The following TTC39C variants were observed in gnomAD, a reference collection of about 807,000 sequenced individuals.
The protein encoded by TTC39C is tetratricopeptide repeat protein 39C.
A neutral mutation model predicts 76.3 loss-of-function variants in TTC39C; 33 were observed. The observed-to-expected ratio is 0.43, with a 90% CI of 0.33 to 0.58. The LOEUF (loss-of-function observed/expected upper bound fraction) is 0.58. Among genes scored for constraint, TTC39C ranks in the 20% least tolerant of loss-of-function variants. The pLI is 0.04. For synonymous variants in TTC39C, 254 were observed against 260.6 expected, an observed-to-expected ratio of 0.97 and a Z score of 0.24; for missense variants, 595 against 701.4, an observed-to-expected ratio of 0.85 and a Z score of 1.71.
intron 1 of TTC39C, among the ~76,000 whole-genome samples, chr18:23,995,843 C>A (rs1301329374): frequency 1.3e-5 from 2 of 152,184 alleles, no homozygotes; most frequent in African/African-American, 4.8e-5. Context: ...GCACTCAAGT[C>A]TGGGTGACAG....
chr18:24,019,638 C>T (rs6508096), intron 1 of TTC39C, among the ~76,000 whole-genome samples: 152,277 of 152,386 alleles, frequency 1, 76,084 homozygotes, highest in Non-Finnish European at 1. Flanking sequence ...GCCAGTGTTA[C>T]CATACAGATG....
chr18:23,997,677 A>AGAAAGAAAGAAAGAAG lies in TTC39C; in HGVS notation c.-17+4654_-17+4655insGGAAAGAAAGAAAGAA, dbSNP rs1568398815. Among the ~76,000 whole-genome samples, 33 of 136,296 alleles carry AGAAAGAAAGAAAGAAG rather than the reference A, an allele frequency of 2.4e-4. 1 individual carries two copies. Among genetic ancestry groups the AGAAAGAAAGAAAGAAG allele is most frequent in the African/African-American group, 8.3e-4 (31 of 37,162 alleles). 89.4% of individuals were successfully genotyped at this position (136,296 alleles called of 152,430 possible). A position where few individuals can be genotyped will look rare whatever the true frequency, so the allele number is the denominator to read the frequency against. ...GAGAAAGAAAGAAAGAAAGAAAGAA[A>AGAAAGAAAGAAAGAAG]GAAAGAAAGAAAGAAAGAAAGAAAG... On this transcript the variant is annotated intron_variant, in intron 1 of 13. Coordinates refer to the TTC39C transcript ENST00000304621.
At chr18:24,112,167 C>T (rs1417102947) in intron 6 of TTC39C, among the ~76,000 whole-genome samples, 1 of 152,180 alleles carries the variant, frequency 6.6e-6, no homozygotes, top group Non-Finnish European at 1.5e-5. Flanking sequence ...TGACTTGTGG[C>T]AGCATCACTC....
intron 1 of TTC39C, among the ~76,000 whole-genome samples, chr18:24,051,291 C>A (rs1007162910): frequency 6.6e-6 from 1 of 152,184 alleles, no homozygotes; most frequent in Non-Finnish European, 1.5e-5. Flanking sequence ...CACCAGCCAG[C>A]GTATTACGAA....
intron 6 of TTC39C, among the ~76,000 whole-genome samples, chr18:24,103,403 A>G (rs1224802197): frequency 6.6e-6 from 1 of 152,184 alleles, no homozygotes; most frequent in Non-Finnish European, 1.5e-5. Context: ...TGAAAGGACA[A>G]ATGGAGATGT....
chr18:24,021,539 CTTTTTTTTTTT>C (rs60505555), intron 1 of TTC39C, among the ~76,000 whole-genome samples: 3 of 118,870 alleles, frequency 2.5e-5, no homozygotes, highest in East Asian at 4.7e-4. Context: ...TTCTTTCCTT[CTTTTTTTTTTT>C]TTTTTTTTTT....
intron 1 of TTC39C, among the ~76,000 whole-genome samples, chr18:24,021,602 A>G (rs2083519181): frequency 7.1e-6 from 1 of 141,676 alleles, no homozygotes; most frequent in African/African-American, 2.7e-5. Context: ...CTAGAGTGCA[A>G]TGGCACGATC....
At chr18:24,082,079 G>A (rs530495369) in intron 5 of TTC39C, among the ~76,000 whole-genome samples, 10 of 147,368 alleles carry the variant, frequency 6.8e-5, no homozygotes, top group South Asian at 2.2e-4. Flanking sequence ...GTGCAGTGGC[G>A]CGATCTCGGC....
intron 6 of TTC39C, among the ~76,000 whole-genome samples, chr18:24,097,970 A>G (rs1296065647): frequency 3.3e-5 from 5 of 152,186 alleles, no homozygotes; most frequent in Non-Finnish European, 7.3e-5. Context: ...AAATTCATGC[A>G]TAGTTTTATT....
intron 6 of TTC39C, among the ~76,000 whole-genome samples, chr18:24,103,759 G>A (rs913791509): frequency 2.0e-5 from 3 of 150,062 alleles, no homozygotes; most frequent in Admixed American, 6.6e-5. Context: ...CTCCTGGATG[G>A]TCACATCATC....
chr18:24,007,968 G>A (rs926316071), intron 1 of TTC39C, among the ~76,000 whole-genome samples: 3 of 152,116 alleles, frequency 2.0e-5, no homozygotes, highest in African/African-American at 4.8e-5. Context: ...GCATGTTCAC[G>A]TGCCCACTAT....
chr18:24,059,391 G>C (rs1040813304), intron 1 of TTC39C, among the ~76,000 whole-genome samples: 1 of 151,942 alleles, frequency 6.6e-6, no homozygotes, highest in Non-Finnish European at 1.5e-5. Context: ...GTAGGCCTCC[G>C]TGTCTGTTGT....
intron 6 of TTC39C, among the ~76,000 whole-genome samples, chr18:24,099,005 ATGTGTGTGTG>A (rs71373362): frequency 1.3e-4 from 17 of 130,738 alleles, no homozygotes; most frequent in East Asian, 2.2e-4. Flanking sequence ...AGTTAGAGGA[ATGTGTGTGTG>A]TGTGTGTGTG....
chr18:24,063,194 T>C (rs553426279), intron 1 of TTC39C, among the ~76,000 whole-genome samples: 1 of 152,208 alleles, frequency 6.6e-6, no homozygotes, highest in Non-Finnish European at 1.5e-5. Flanking sequence ...ACATTTATAT[T>C]CTTTTATTCT....
intron 4 of TTC39C, among the ~76,000 whole-genome samples, chr18:24,075,692 A>AC (rs201537278): frequency 0.021 from 3,207 of 151,028 alleles, 129 homozygotes; most frequent in African/African-American, 0.069. Context: ...CTCAAAAAAA[A>AC]AAAAAAAAAA....
At chr18:24,069,020 A>G in intron 3 of TTC39C, 137 bp from the exon 4 acceptor site, 3 of 635,676 alleles carry the variant, frequency 4.7e-6, no homozygotes, top group Non-Finnish European at 8.2e-6. Context: ...CTCATAGGAT[A>G]AATTTGGGCT....
intron 6 of TTC39C, among the ~76,000 whole-genome samples, chr18:24,108,434 C>T (rs528250664): frequency 3.9e-5 from 6 of 152,270 alleles, no homozygotes; most frequent in African/African-American, 1.2e-4. Context: ...CTACTCTTTT[C>T]GCAACTCTAG....
chr18:24,045,169 T>G (rs2083849381), intron 1 of TTC39C, among the ~76,000 whole-genome samples: 1 of 148,128 alleles, frequency 6.8e-6, no homozygotes, highest in South Asian at 2.1e-4. Context: ...TTTGGGAGGC[T>G]GAGGCAGGAG....
chr18:24,059,482 T>C (rs2084063140), intron 1 of TTC39C, among the ~76,000 whole-genome samples: 2 of 152,246 alleles, frequency 1.3e-5, no homozygotes, highest in African/African-American at 4.8e-5. Flanking sequence ...TTTCTGTTCC[T>C]GCATGAGTTT....
Sources: allele counts gnomAD v4.1 joint callset (sites outside exome capture counted in the v4.1 genomes callset), GRCh38; gene constraint gnomAD v4.1.1; transcripts MANE v1.5; gene names NCBI Gene and HGNC (gene_info 2026-07-23, HGNC 2026-07-21).